Variants in RAB10 observed in about 807,000 individuals in gnomAD.
RAB10 encodes the protein RAB10, member RAS oncogene family.
Under a neutral mutation model 25.7 loss-of-function variants are expected in RAB10, and 5 were observed. That is an observed-to-expected ratio of 0.19 (90% CI 0.10 to 0.41). The LOEUF is 0.41. Among genes scored for constraint, RAB10 ranks in the 10% least tolerant of loss-of-function variants. The pLI is 1.00. For missense variants in RAB10, 103 were observed against 245.8 expected (o/e 0.42, Z 3.89); for synonymous variants, 89 against 86.4 (o/e 1.03, Z -0.16).
chr2:26,114,494 G>T (rs1667641958), intron 3 of RAB10, among the ~76,000 whole-genome samples: 2 of 152,128 alleles, frequency 1.3e-5, no homozygotes, highest in South Asian at 4.1e-4. Flanking sequence ...ATGGGCAAAA[G>T]AATAGTCTTT....
chr2:26,049,337 C>A (rs897559834), intron 1 of RAB10, among the ~76,000 whole-genome samples: 1 of 151,676 alleles, frequency 6.6e-6, no homozygotes, highest in East Asian at 1.9e-4. Context: ...TATGACCTGA[C>A]AGGAATGAAA....
At position 26,117,902 on chromosome 2, in the gene RAB10, ATAACT is replaced by A. The variant is rs1402954850; in HGVS notation, c.327+7999_327+8003del. 1.6e-4 allele frequency among the ~76,000 whole-genome samples: 24 copies of A among 152,338 alleles called. No homozygotes were observed. In the East Asian group the frequency reaches 1.9e-3, roughly 12 times the overall value. ...TTTAGAGAAACGTACTTTGGACCAA[ATAACT>A]TAGCTTAGGAAGGACAAATCCTTAG... On this transcript the variant is annotated intron_variant, in intron 3 of 5. Transcript: ENST00000264710.
chr2:26,069,037 A>T (rs535443246), intron 1 of RAB10, among the ~76,000 whole-genome samples: 1 of 152,196 alleles, frequency 6.6e-6, no homozygotes, highest in South Asian at 2.1e-4. Flanking sequence ...AATCTCTCAC[A>T]TATATATTCT....
At chr2:26,092,288 TG>T (rs1559590793) in intron 1 of RAB10, among the ~76,000 whole-genome samples, 3,915 of 140,610 alleles carry the variant, frequency 0.028, 204 homozygotes, top group African/African-American at 0.098. Flanking sequence ...TGTGTGTGTG[TG>T]TGTGTGTGTG....
intron 1 of RAB10, among the ~76,000 whole-genome samples, chr2:26,048,997 C>T (rs1417720097): frequency 6.6e-6 from 1 of 152,130 alleles, no homozygotes; most frequent in African/African-American, 2.4e-5. Context: ...TTGATGCGGT[C>T]CAATTTATAA....
Position 26,071,629 on chromosome 2 carries a change from G to A in RAB10, c.128-27033G>A, listed in dbSNP as rs377084330. On this transcript the variant is annotated intron_variant, in intron 1 of 5. Coordinates refer to ENST00000264710, the MANE Select transcript of RAB10 (RefSeq NM_016131.5). ...CTTGAACCTGGGAGGCAGAGGTTGC[G>A]GTGAGCCAAGATGGCACCACTGCAA... Among the ~76,000 whole-genome samples the A allele has an allele frequency of 3.6e-4, 54 of 152,046 alleles. No homozygotes were observed. The East Asian group carries it at 8.1e-3, about 23-fold the overall frequency.
chr2:26,051,370 C>A (rs1329233863), intron 1 of RAB10, among the ~76,000 whole-genome samples: 1 of 70,486 alleles, frequency 1.4e-5, no homozygotes, highest in East Asian at 5.4e-4. Flanking sequence ...GCCCCCCCCC[C>A]CCCCCCCCGT....
intron 1 of RAB10, among the ~76,000 whole-genome samples, chr2:26,094,009 C>G (rs1667159548): frequency 6.6e-6 from 1 of 151,172 alleles, no homozygotes; most frequent in Non-Finnish European, 1.5e-5. Flanking sequence ...GATCCTCCCA[C>G]CACAGCCTCC....
intron 1 of RAB10, among the ~76,000 whole-genome samples, chr2:26,044,646 G>C (rs1665957727): frequency 6.6e-6 from 1 of 151,622 alleles, no homozygotes; most frequent in African/African-American, 2.4e-5. Context: ...CCCGGGTTCA[G>C]ATGATTCTCC....
chr2:26,128,162 A>G (rs932426014), intron 5 of RAB10, among the ~76,000 whole-genome samples: 10 of 152,178 alleles, frequency 6.6e-5, no homozygotes, highest in Admixed American at 5.2e-4. Context: ...TCACCCAGAA[A>G]CTACCCCACC....
chr2:26,081,375 C>G (rs1302727564), intron 1 of RAB10, among the ~76,000 whole-genome samples: 1 of 152,118 alleles, frequency 6.6e-6, no homozygotes, highest in Admixed American at 6.6e-5. Context: ...CCTGACTCCT[C>G]CACCCCAAAA....
chr2:26,080,660 A>G lies in RAB10; in HGVS notation c.128-18002A>G, dbSNP rs1574542107. 2.6e-5 allele frequency among the ~76,000 whole-genome samples: 4 copies of G among 152,012 alleles called. No individual in the cohort carries two copies. In the South Asian group the frequency reaches 8.3e-4, roughly 32 times the overall value. On this transcript the variant is annotated intron_variant, in intron 1 of 5. Coordinates refer to ENST00000264710, the MANE Select transcript of RAB10 (RefSeq NM_016131.5). Reference sequence around the variant, plus strand: ...GTTGGAACTACAGTCACACACTACCACACCTGGCTAGTGTTTTGTTTTGTT... The same window carrying G: ...GTTGGAACTACAGTCACACACTACCGCACCTGGCTAGTGTTTTGTTTTGTT...
chr2:26,047,251 A>G (rs1002967441), intron 1 of RAB10, among the ~76,000 whole-genome samples: 2 of 152,182 alleles, frequency 1.3e-5, no homozygotes, highest in Non-Finnish European at 1.5e-5. Context: ...CTTGGTAACT[A>G]TGAAACTGTC....
intron 1 of RAB10, among the ~76,000 whole-genome samples, chr2:26,094,852 C>T (rs1029655407): frequency 6.6e-6 from 1 of 152,224 alleles, no homozygotes; most frequent in Non-Finnish European, 1.5e-5. Flanking sequence ...AGCCACTGTG[C>T]CCGGCCCCAC....
rs1262419041 is a variant in RAB10 at position 26,039,803 on chromosome 2, A to G, written c.127+5068A>G. On this transcript the variant is annotated intron_variant, in intron 1 of 5. Transcript: ENST00000264710. ...CTAGGTGGGAGGATTGCTTGGGCCC[A>G]AGAGTTCAAGACCAGCCTGGGCAAC... 2.6e-5 allele frequency among the ~76,000 whole-genome samples: 4 copies of G among 152,022 alleles called. No homozygotes were observed. In the East Asian group the frequency reaches 7.8e-4, roughly 30 times the overall value.
Position 26,135,989 on chromosome 2 carries a change from TA to T in RAB10, c.*972del. ...TTCCCCCCTCATTTGCTCTCTTCCC[TA>T]AAATGTGTCCCAGATGCCTTCATTT... On this transcript the variant is annotated 3_prime_UTR_variant, in exon 6 of 6. Coordinates refer to ENST00000264710, the MANE Select transcript of RAB10 (RefSeq NM_016131.5). The T allele has an allele frequency of 6.5e-6, 1 of 152,796 alleles. No individual in the cohort carries two copies. The highest frequency in any genetic ancestry group is 1.5e-5 in the Non-Finnish European group (1 of 68,070). 9.5% of individuals were successfully genotyped at this position (152,796 alleles called of 1,614,324 possible). A position where few individuals can be genotyped will look rare whatever the true frequency, so the allele number is the denominator to read the frequency against.
At chr2:26,108,877 TTATATTTATTTATTTA>T (rs1306483819) in intron 2 of RAB10, among the ~76,000 whole-genome samples, 61 of 127,046 alleles carry the variant, frequency 4.8e-4, no homozygotes, top group African/African-American at 1.5e-3. Context: ...GTCTTTTGCT[TTATATTTATTTATTTA>T]TTTATTTATT....
Position 26,089,027 on chromosome 2 carries a change from G to A in RAB10, c.128-9635G>A, listed in dbSNP as rs1382256840. ...GATATTTACTTGAAAAAAGTTTAGC[G>A]CTATGAAAGTTGTGTTTGAATGTGA... On this transcript the variant is annotated intron_variant, in intron 1 of 5. Transcript: ENST00000264710. Among the ~76,000 whole-genome samples the A allele has an allele frequency of 2.6e-5, 4 of 152,076 alleles. No individual in the cohort carries two copies. In the East Asian group the frequency reaches 5.8e-4, roughly 22 times the overall value.
At chr2:26,119,134 C>T (rs1464092481) in intron 3 of RAB10, among the ~76,000 whole-genome samples, 1 of 152,072 alleles carries the variant, frequency 6.6e-6, no homozygotes, top group Non-Finnish European at 1.5e-5. Context: ...GGGCTGTGCA[C>T]GGTGGCTCAC....
Sources: gnomAD v4.1 joint callset for allele counts (sites outside exome capture counted in the v4.1 genomes callset) on GRCh38, gnomAD v4.1.1 for gene constraint, MANE v1.5 for transcripts, NCBI Gene and HGNC (gene_info 2026-07-23, HGNC 2026-07-21) for gene names.